The following GRK5 variants were observed in gnomAD, a reference collection of about 807,000 sequenced individuals.
The protein encoded by GRK5 is G protein-coupled receptor kinase 5.
Under a neutral mutation model 78.4 loss-of-function variants are expected in GRK5, and 40 were observed. The observed-to-expected ratio is 0.51, with a 90% CI of 0.40 to 0.66. The LOEUF is 0.66. GRK5 is among the 30% of genes least tolerant of loss of function. The pLI, the probability that GRK5 is intolerant of heterozygous loss-of-function variation, is 0.00. For missense variants in GRK5, 598 were observed against 759.9 expected, an observed-to-expected ratio of 0.79 and a Z score of 2.50; for synonymous variants, 289 against 296.8, an observed-to-expected ratio of 0.97 and a Z score of 0.27.
intron 1 of GRK5, among the ~76,000 whole-genome samples, chr10:119,241,408 A>G (rs902909993): frequency 2.6e-5 from 4 of 152,212 alleles, no homozygotes; most frequent in African/African-American, 7.2e-5. Context: ...TGACAGGTTC[A>G]ATAAGACTTT....
At chr10:119,374,312 G>A (rs1227906514) in intron 2 of GRK5, among the ~76,000 whole-genome samples, 2 of 152,232 alleles carry the variant, frequency 1.3e-5, no homozygotes, top group East Asian at 1.9e-4. Context: ...AGCTGAGACC[G>A]ACCCCTGCCC....
At chr10:119,414,946 G>A (rs886569651) in intron 4 of GRK5, among the ~76,000 whole-genome samples, 2 of 151,962 alleles carry the variant, frequency 1.3e-5, no homozygotes, top group African/African-American at 2.4e-5. Context: ...GTCAGGTGTT[G>A]TGGGGCGTGC....
chr10:119,437,996 GC>G (rs756711413), intron 9 of GRK5, among the ~76,000 whole-genome samples: 1 of 152,230 alleles, frequency 6.6e-6, no homozygotes, highest in Non-Finnish European at 1.5e-5. Context: ...TACTTGGGAG[GC>G]TGAGGCTAAA....
intron 3 of GRK5, among the ~76,000 whole-genome samples, chr10:119,395,247 A>G (rs4309073): frequency 0.97 from 147,822 of 152,330 alleles, 71,900 homozygotes; most frequent in Non-Finnish European, 1. Flanking sequence ...GGAGAAAATC[A>G]TTGGATCTTG....
chr10:119,292,111 TCTTCCTC>T (rs1849984658), intron 1 of GRK5, among the ~76,000 whole-genome samples: 1 of 56,932 alleles, frequency 1.8e-5, no homozygotes, highest in African/African-American at 5.9e-5. Context: ...CTCCTTCTCC[TCTTCCTC>T]CCTCTCCTCA....
chr10:119,334,296 G>A (rs781161732), intron 2 of GRK5, among the ~76,000 whole-genome samples: 18 of 152,094 alleles, frequency 1.2e-4, no homozygotes, highest in South Asian at 2.1e-4. Flanking sequence ...GTGACAGAGC[G>A]AGACCCTCTA....
chr10:119,337,056 C>T (rs916298993), intron 2 of GRK5, among the ~76,000 whole-genome samples: 2 of 152,186 alleles, frequency 1.3e-5, no homozygotes, highest in Non-Finnish European at 2.9e-5. Context: ...AGGGATTTTA[C>T]AGATCACCTG....
intron 1 of GRK5, among the ~76,000 whole-genome samples, chr10:119,313,805 G>A (rs1214184524): frequency 6.6e-6 from 1 of 152,278 alleles, no homozygotes; most frequent in East Asian, 1.9e-4. Flanking sequence ...TCCCCATGGC[G>A]ACCAGTTACC....
chr10:119,255,809 A>T (rs1267513344), intron 1 of GRK5, among the ~76,000 whole-genome samples: 1 of 152,138 alleles, frequency 6.6e-6, no homozygotes, highest in Non-Finnish European at 1.5e-5. Flanking sequence ...AGTCGTAGGT[A>T]CACAGACGAG....
intron 3 of GRK5, among the ~76,000 whole-genome samples, chr10:119,385,079 C>T (rs904713596): frequency 6.6e-6 from 1 of 151,164 alleles, no homozygotes; most frequent in Non-Finnish European, 1.5e-5. Context: ...ACAGCCAGCA[C>T]AAAGGCCTGA....
chr10:119,367,074 A>AT (rs1420565695), intron 2 of GRK5, among the ~76,000 whole-genome samples: 3 of 152,184 alleles, frequency 2.0e-5, no homozygotes, highest in Non-Finnish European at 4.4e-5. Flanking sequence ...GAAGCACCTC[A>AT]TTCATGTCAG....
At chr10:119,442,436 G>T (rs186498717) in intron 11 of GRK5, among the ~76,000 whole-genome samples, 1 of 152,212 alleles carries the variant, frequency 6.6e-6, no homozygotes, top group Non-Finnish European at 1.5e-5. Context: ...TTGAGAGGAA[G>T]GAGGTAATTC....
chr10:119,451,251 T>A (rs899756095), intron 13 of GRK5, among the ~76,000 whole-genome samples: 1 of 151,928 alleles, frequency 6.6e-6, no homozygotes, highest in African/African-American at 2.4e-5. Flanking sequence ...ACTCTTTTTT[T>A]AAAATAAAAA....
chr10:119,395,794 T>G (rs748700322), intron 3 of GRK5, among the ~76,000 whole-genome samples: 2 of 152,132 alleles, frequency 1.3e-5, no homozygotes, highest in Non-Finnish European at 2.9e-5. Context: ...TTCTGTGGTG[T>G]GGTTGAGGAG....
intron 4 of GRK5, among the ~76,000 whole-genome samples, chr10:119,421,529 T>G (rs1250671563): frequency 3.3e-5 from 5 of 152,234 alleles, no homozygotes; most frequent in Non-Finnish European, 7.3e-5. Flanking sequence ...GGATCTTTTC[T>G]GCAAAAGTTG....
chr10:119,207,830 G>A lies in GRK5; in HGVS notation c.-88G>A, dbSNP rs1381648255. The A allele has an allele frequency of 7.7e-7, 1 of 1,292,972 alleles. No individual in the cohort carries two copies. The highest frequency in any genetic ancestry group is 1.1e-6 in the Non-Finnish European group (1 of 940,088). 80.1% of individuals were successfully genotyped at this position (1,292,972 alleles called of 1,614,324 possible). ...CTCCCCCGGCTCCGGCAGCAGCGGC[G>A]GCAGCCCGAGCAGCGGCAGCAGCAG... On this transcript the variant is annotated 5_prime_UTR_variant, in exon 1 of 16. Transcript: ENST00000392870.
intron 3 of GRK5, among the ~76,000 whole-genome samples, chr10:119,381,453 G>A (rs906607847): frequency 2.0e-5 from 3 of 152,266 alleles, no homozygotes; most frequent in Non-Finnish European, 2.9e-5. Context: ...GAAGCACATG[G>A]CTGTCAAGCC....
chr10:119,261,280 C>CTGCAATCTCAGCACTTTGGGAGGCCAA (rs1178798185), intron 1 of GRK5, among the ~76,000 whole-genome samples: 1 of 147,874 alleles, frequency 6.8e-6, no homozygotes. Context: ...CGGGCAGAGG[C>CTGCAATCTCAGCACTTTGGGAGGCCAA]GCTCCTCACA....
At chr10:119,397,858 G>A (rs926576944) in intron 4 of GRK5, among the ~76,000 whole-genome samples, 1 of 152,192 alleles carries the variant, frequency 6.6e-6, no homozygotes, top group Non-Finnish European at 1.5e-5. Flanking sequence ...CCTGCTAGAC[G>A]GCATTCCTAA....
Sources: allele counts gnomAD v4.1 joint callset (sites outside exome capture counted in the v4.1 genomes callset), GRCh38; gene constraint gnomAD v4.1.1; transcripts MANE v1.5; gene names NCBI Gene and HGNC (gene_info 2026-07-23, HGNC 2026-07-21).